SMARCD3: variants seen among roughly 807,000 people sequenced by gnomAD.
SMARCD3 encodes the protein SWI/SNF-related matrix-associated actin-dependent regulator of chromatin subfamily D member 3.
A neutral mutation model predicts 58.0 loss-of-function variants in SMARCD3; 14 were observed. The ratio of observed to expected loss-of-function variants is 0.24; its 90% CI spans 0.16 to 0.38. The LOEUF (loss-of-function observed/expected upper bound fraction) is 0.38. Among genes scored for constraint, SMARCD3 ranks in the 10% least tolerant of loss-of-function variants. SMARCD3 has a pLI of 1.00. For missense variants in SMARCD3, 408 were observed against 636.9 expected (o/e 0.64, Z 3.87); for synonymous variants, 253 against 253.8 (o/e 1.00, Z 0.03).
At chr7:151,268,120 G>A (rs546974536) in intron 2 of SMARCD3, among the ~76,000 whole-genome samples, 3 of 152,332 alleles carry the variant, frequency 2.0e-5, no homozygotes, top group African/African-American at 4.8e-5. Context: ...TGGCAGGCAA[G>A]GAAAGCTCAA....
chr7:151,239,989 T>C lies in SMARCD3; in HGVS notation c.1173+123A>G, dbSNP rs1802879267. The C allele has an allele frequency of 9.5e-6, 1 of 105,602 alleles. No homozygotes were observed. The highest frequency in any genetic ancestry group is 1.6e-5 in the Non-Finnish European group (1 of 62,814). 6.5% of individuals were successfully genotyped at this position (105,602 alleles called of 1,614,324 possible). Reference sequence around the variant, plus strand: ...TCCCATTGGCCCAGAGTCTGGTCTCTTTTTTTTTTTTTTTTTTAATTTAAC... The same window carrying C: ...TCCCATTGGCCCAGAGTCTGGTCTCCTTTTTTTTTTTTTTTTTAATTTAAC... On this transcript the variant is annotated intron_variant, in intron 10 of 12. Coordinates refer to ENST00000262188, the MANE Select transcript of SMARCD3 (RefSeq NM_001003801.2). This position sits in a 1 kb window ranked among gnomAD's most constrained non-coding sequence, Gnocchi z 7.0.
chr7:151,241,605 G>C lies in SMARCD3; in HGVS notation c.826C>G (p.His276Asp). ...ACAATGGCTGAGCGGCTCTGTGTGT[G>C]CAGCCCCAGCAGCCGGGCTAGGCGG... ...DPRLARLLGL[H>D]TQSRSAIVQA... The change falls in exon 8 of 13, where the codon CAC becomes GAC. Residue 276 changes from histidine to aspartate, a missense_variant. Physicochemically the swap from His to Asp is moderately conservative, Grantham distance 81 (BLOSUM62 -1). Coordinates refer to ENST00000262188, the MANE Select transcript of SMARCD3 (RefSeq NM_001003801.2). The surrounding 1 kb of genome is among the most constrained non-coding windows in gnomAD (Gnocchi z 5.3). 6.2e-7 allele frequency: 1 copy of C among 1,611,144 alleles called. No individual in the cohort carries two copies. The highest frequency in any genetic ancestry group is 8.5e-7 in the Non-Finnish European group (1 of 1,178,592).
intron 2 of SMARCD3, among the ~76,000 whole-genome samples, chr7:151,254,635 C>T (rs1019069710): frequency 6.6e-6 from 1 of 152,240 alleles, no homozygotes; most frequent in Non-Finnish European, 1.5e-5. Context: ...TCCCCAGGCC[C>T]CAGCCCTCCT....
At chr7:151,273,638 G>A (rs976258653) in intron 2 of SMARCD3, among the ~76,000 whole-genome samples, 1 of 152,226 alleles carries the variant, frequency 6.6e-6, no homozygotes, top group African/African-American at 2.4e-5. Flanking sequence ...TCAGGTGCTG[G>A]GGAGGTGTTG....
At chr7:151,271,298 A>G (rs2150617497) in intron 2 of SMARCD3, among the ~76,000 whole-genome samples, 1 of 152,262 alleles carries the variant, frequency 6.6e-6, no homozygotes, top group Non-Finnish European at 1.5e-5. Flanking sequence ...CTGTTTTAGG[A>G]CACAGATCAT....
At chr7:151,271,729 T>G (rs1445815543) in intron 2 of SMARCD3, among the ~76,000 whole-genome samples, 1 of 152,010 alleles carries the variant, frequency 6.6e-6, no homozygotes, top group African/African-American at 2.4e-5. Context: ...AGTGGGAGGA[T>G]TGCTTGAGCC....
chr7:151,246,659 TGA>T lies in SMARCD3; in HGVS notation c.79-990_79-989del, dbSNP rs1478727092. Reference sequence around the variant, plus strand: ...CAGGGTTCATGGGGGCTGTGGAGACTGAGAGGAGGCGGCTCCTCCTCCCTTGC... The same window carrying T: ...CAGGGTTCATGGGGGCTGTGGAGACTGAGGAGGCGGCTCCTCCTCCCTTGC... On this transcript the variant is annotated intron_variant, in intron 1 of 12. Transcript: ENST00000262188. The surrounding 1 kb of genome is among the most constrained non-coding windows in gnomAD (Gnocchi z 4.4). 2.0e-5 allele frequency among the ~76,000 whole-genome samples: 3 copies of T among 152,212 alleles called. No homozygotes were observed. The highest frequency in any genetic ancestry group is 2.0e-4 in the Admixed American group (3 of 15,304).
At position 151,248,591 on chromosome 7, in the gene SMARCD3, C is replaced by T. The variant is rs762614646; in HGVS notation, c.-29G>A. On this transcript the variant is annotated 5_prime_UTR_variant, in exon 1 of 13. Coordinates refer to ENST00000262188, the MANE Select transcript of SMARCD3 (RefSeq NM_001003801.2). The surrounding 1 kb of genome is among the most constrained non-coding windows in gnomAD (Gnocchi z 6.1). ...GGTGGGCTCAGCGGCTCCTCTCACTCTCTCTCTCTCTTCCTCTTTCTTTCC... is the reference window on the plus strand; with the variant it reads ...GGTGGGCTCAGCGGCTCCTCTCACTTTCTCTCTCTCTTCCTCTTTCTTTCC... 1 of 1,611,724 alleles carries T rather than the reference C, an allele frequency of 6.2e-7. No homozygotes were observed. Among genetic ancestry groups the T allele is most frequent in the East Asian group, 2.2e-5 (1 of 44,792 alleles).
chr7:151,245,928 C>T lies in SMARCD3; in HGVS notation c.79-257G>A, dbSNP rs1490292458. 1 of 357,228 alleles carries T rather than the reference C, an allele frequency of 2.8e-6. No homozygotes were observed. The highest frequency in any genetic ancestry group is 2.1e-5 in the African/African-American group (1 of 47,276). The allele number at this position is 357,228 out of a possible 1,614,324, so 22.1% of individuals were successfully genotyped here. A position where few individuals can be genotyped will look rare whatever the true frequency, so the allele number is the denominator to read the frequency against. On this transcript the variant is annotated intron_variant, in intron 1 of 12. Coordinates refer to ENST00000262188, the MANE Select transcript of SMARCD3 (RefSeq NM_001003801.2). The surrounding 1 kb of genome is among the most constrained non-coding windows in gnomAD (Gnocchi z 6.2). ...GCACCGCACAGGGCATTGCGAGCCT[C>T]GGGGCTGCGGAAGGTACCGCAAAAA...
Position 151,241,009 on chromosome 7 carries a change from C to T in SMARCD3, c.939+483G>A, listed in dbSNP as rs1802960103. ...TATCTGCTGTATTTATTTTTAAATG[C>T]ATTAATAAGAATATTCTCTGTTTTG... On this transcript the variant is annotated intron_variant, in intron 8 of 12. Transcript: ENST00000262188. The surrounding 1 kb of genome is among the most constrained non-coding windows in gnomAD (Gnocchi z 5.3). The T allele has an allele frequency of 4.2e-6, 1 of 237,630 alleles. No homozygotes were observed. Among genetic ancestry groups the T allele is most frequent in the Non-Finnish European group, 8.3e-6 (1 of 119,990 alleles). 14.7% of individuals were successfully genotyped at this position (237,630 alleles called of 1,614,324 possible).
intron 2 of SMARCD3, among the ~76,000 whole-genome samples, chr7:151,258,781 T>C (rs1348838251): frequency 2.6e-5 from 4 of 152,018 alleles, no homozygotes; most frequent in Non-Finnish European, 4.4e-5. Flanking sequence ...CTGGGCTCCC[T>C]GTGGTGCTTT....
intron 2 of SMARCD3, among the ~76,000 whole-genome samples, chr7:151,244,009 TGCA>T (rs1487511486): frequency 6.6e-6 from 1 of 152,142 alleles, no homozygotes; most frequent in Non-Finnish European, 1.5e-5. Flanking sequence ...AGATGCGAGC[TGCA>T]GAAGTGTTTG....
chr7:151,272,477 T>A (rs928016559), intron 2 of SMARCD3, among the ~76,000 whole-genome samples: 2 of 152,120 alleles, frequency 1.3e-5, no homozygotes, highest in Admixed American at 1.3e-4. Context: ...TGGCACAGTG[T>A]CCCTCACTCT....
chr7:151,268,771 C>G (rs1055840053), intron 2 of SMARCD3, among the ~76,000 whole-genome samples: 7 of 148,302 alleles, frequency 4.7e-5, no homozygotes, highest in African/African-American at 1.7e-4. Flanking sequence ...AATTCTCTCT[C>G]TTTTTTTTTT....
rs2150598345 is a variant in SMARCD3, at chr7:151,248,088, G to T, written c.78+397C>A. On this transcript the variant is annotated intron_variant, in intron 1 of 12. Transcript: ENST00000262188. The surrounding 1 kb of genome is among the most constrained non-coding windows in gnomAD (Gnocchi z 6.1). ...GTGACACTGTCCCAACGGATGAACAGACAGCCCAGCCCAGCCTCTGCCATG... is the reference window on the plus strand; with the variant it reads ...GTGACACTGTCCCAACGGATGAACATACAGCCCAGCCCAGCCTCTGCCATG... Among the ~76,000 whole-genome samples, 1 of 152,176 alleles carries T rather than the reference G, an allele frequency of 6.6e-6. No individual in the cohort carries two copies. The highest frequency in any genetic ancestry group is 2.1e-4 in the South Asian group (1 of 4,826).
chr7:151,264,787 C>T (rs1264626963), intron 2 of SMARCD3, among the ~76,000 whole-genome samples: 11 of 152,116 alleles, frequency 7.2e-5, no homozygotes, highest in Admixed American at 2.0e-4. Context: ...GGGAGCAGAC[C>T]GTGGGGCCAG....
At chr7:151,261,999 C>T (rs947550036) in intron 2 of SMARCD3, among the ~76,000 whole-genome samples, 2 of 152,090 alleles carry the variant, frequency 1.3e-5, no homozygotes, top group Non-Finnish European at 2.9e-5. Context: ...CCTGTGGCCC[C>T]GCAACTGAGC....
Position 151,243,030 on chromosome 7 carries a change from T to G in SMARCD3, c.334-187A>C, listed in dbSNP as rs934499261. 1.3e-5 allele frequency among the ~76,000 whole-genome samples: 2 copies of G among 152,190 alleles called. No individual in the cohort carries two copies. Among genetic ancestry groups the G allele is most frequent in the Non-Finnish European group, 2.9e-5 (2 of 68,008 alleles). ...TGCCATTATCCAGCAGTAGGGGCCT[T>G]GCTGTGTAGGGATAACAATTGCTTC... On this transcript the variant is annotated intron_variant, in intron 3 of 12. Coordinates refer to ENST00000262188, the MANE Select transcript of SMARCD3 (RefSeq NM_001003801.2). The surrounding 1 kb of genome is among the most constrained non-coding windows in gnomAD (Gnocchi z 4.4).
At chr7:151,271,683 C>T (rs1041557774) in intron 2 of SMARCD3, among the ~76,000 whole-genome samples, 3 of 152,026 alleles carry the variant, frequency 2.0e-5, no homozygotes, top group African/African-American at 4.8e-5. Context: ...TGGCCAGGCT[C>T]GATGGCTCAT....
Sources: gnomAD v4.1 joint callset for allele counts (sites outside exome capture counted in the v4.1 genomes callset) on GRCh38, gnomAD v4.1.1 for gene constraint, Gnocchi (gnomAD v3.1) non-coding constraint, MANE v1.5 for transcripts, NCBI Gene and HGNC (gene_info 2026-07-23, HGNC 2026-07-21) for gene names.